The following KMT2C variants were observed in gnomAD, a reference collection of about 807,000 sequenced individuals.
The protein encoded by KMT2C is histone-lysine N-methyltransferase 2C.
In KMT2C, 88 loss-of-function variants were observed where a neutral mutation model predicts 507.9. That is an observed-to-expected ratio of 0.17 (90% confidence interval 0.15 to 0.21). The LOEUF (loss-of-function observed/expected upper bound fraction) is 0.21. Ranked by LOEUF, KMT2C falls within the 10% of genes least tolerant of loss-of-function variation. The probability of loss-of-function intolerance (pLI) is 1.00; values close to 1 mark genes in which losing one functional copy is unlikely to be tolerated. For missense variants in KMT2C, 4,954 were observed against 5,957.8 expected (o/e 0.83, Z 5.55); for synonymous variants, 2,049 against 2,080.8 (o/e 0.98, Z 0.42).
chr7:152,202,511 G>GT (rs1406448991), intron 26 of KMT2C, among the ~76,000 whole-genome samples: 2 of 152,280 alleles, frequency 1.3e-5, no homozygotes, highest in East Asian at 3.9e-4. Context: ...TCTAAAAGTG[G>GT]TAACGATTAT....
At chr7:152,427,393 C>CT (rs2097829353) in intron 1 of KMT2C, among the ~76,000 whole-genome samples, 1 of 152,184 alleles carries the variant, frequency 6.6e-6, no homozygotes, top group Non-Finnish European at 1.5e-5. Flanking sequence ...GGTTTATGTG[C>CT]TTTTCACAAA....
rs199819817 is a variant in KMT2C at position 152,182,205 on chromosome 7, C to G, written c.5655G>C (p.Gly1885=). The change falls in exon 36 of 59, where the codon GGG becomes GGC. Residue 1885 remains glycine (G), a synonymous_variant. Coordinates refer to ENST00000262189, the MANE Select transcript of KMT2C (RefSeq NM_170606.3). The part of the protein sequence containing the change: ...QPPSPQVFSP[G]SSNSRPPSPM... ...GAGATGGTGGTCGTGAGTTAGAGGA[C>G]CCAGGTGAAAACACTTGCGGTGAGG... 5.6e-6 allele frequency: 9 copies of G among 1,613,984 alleles called. No individual in the cohort carries two copies. The East Asian group carries it at 2.0e-4, about 36-fold the overall frequency.
Position 152,136,910 on chromosome 7 carries a change from A to G in KMT2C, c.14658T>C (p.Tyr4886=). 2 of 1,612,904 alleles carry G rather than the reference A, an allele frequency of 1.2e-6. No individual in the cohort carries two copies. The highest frequency in any genetic ancestry group is 1.7e-6 in the Non-Finnish European group (2 of 1,179,894). Residue 4886 remains tyrosine (Y), a synonymous_variant, in exon 59 of 59, where the codon TAT becomes TAC. Coordinates refer to ENST00000262189, the MANE Select transcript of KMT2C (RefSeq NM_170606.3). The stretch of plus-strand genomic sequence containing the variant: ...GCTGGTCATCTTCAAAGTCAAACTT[A>G]TAGTCATAGCAGAGCTGCCCACGGC... ...IQKGEELCYD[Y]KFDFEDDQHK...
At chr7:152,215,894 T>A (rs571912122) in intron 23 of KMT2C, among the ~76,000 whole-genome samples, 1 of 152,150 alleles carries the variant, frequency 6.6e-6, no homozygotes, top group Non-Finnish European at 1.5e-5. Flanking sequence ...TTTAAATCAT[T>A]TGAATGTATA....
intron 34 of KMT2C, among the ~76,000 whole-genome samples, chr7:152,184,250 T>C (rs917972059): frequency 1.3e-5 from 2 of 152,036 alleles, no homozygotes; most frequent in African/African-American, 4.8e-5. Context: ...TATATATATA[T>C]ATGTGATAGA....
At chr7:152,311,409 T>G (rs775384665) in intron 5 of KMT2C, among the ~76,000 whole-genome samples, 2 of 152,184 alleles carry the variant, frequency 1.3e-5, no homozygotes, top group Non-Finnish European at 2.9e-5. Flanking sequence ...ACTGTTATAA[T>G]AAGATAATCT....
chr7:152,333,549 A>G (rs1327404168), intron 2 of KMT2C, among the ~76,000 whole-genome samples: 1 of 152,184 alleles, frequency 6.6e-6, no homozygotes, highest in Admixed American at 6.5e-5. Context: ...TATTTTAACT[A>G]TACACTAGAC....
At chr7:152,274,545 G>A (rs2096044954) in intron 6 of KMT2C, among the ~76,000 whole-genome samples, 2 of 152,186 alleles carry the variant, frequency 1.3e-5, no homozygotes, top group African/African-American at 4.8e-5. Flanking sequence ...GCAGTCTAGG[G>A]CAAGTGAACA....
chr7:152,255,116 T>TATATATATATATAC (rs2095628619), intron 9 of KMT2C, among the ~76,000 whole-genome samples: 2 of 95,700 alleles, frequency 2.1e-5, no homozygotes. Context: ...CACTTATATA[T>TATATATATATATAC]ATATATATAT....
chr7:152,193,935 T>C, intron 31 of KMT2C, 74 bp downstream of exon 31: 6 of 1,307,390 alleles, frequency 4.6e-6, no homozygotes, highest in Non-Finnish European at 4.0e-6. Context: ...CAAAACTTGC[T>C]TGTGTGTGTA....
intron 1 of KMT2C, among the ~76,000 whole-genome samples, chr7:152,400,247 T>A (rs1250999469): frequency 2.6e-5 from 4 of 151,938 alleles, no homozygotes; most frequent in Non-Finnish European, 5.9e-5. Context: ...AGGCAGAGGT[T>A]GCAATGTGCC....
At chr7:152,279,741 A>G (rs1348475116) in intron 6 of KMT2C, among the ~76,000 whole-genome samples, 3 of 152,204 alleles carry the variant, frequency 2.0e-5, no homozygotes, top group African/African-American at 4.8e-5. Flanking sequence ...GGAGACTGCT[A>G]AGAGTGGGAT....
intron 1 of KMT2C, among the ~76,000 whole-genome samples, chr7:152,392,410 T>C (rs958608835): frequency 6.6e-6 from 1 of 152,226 alleles, no homozygotes; most frequent in African/African-American, 2.4e-5. Context: ...TGCTGTTTCA[T>C]AGCCACTTCA....
At chr7:152,326,890 A>G (rs112226182) in intron 3 of KMT2C, among the ~76,000 whole-genome samples, 24 of 151,912 alleles carry the variant, frequency 1.6e-4, no homozygotes, top group African/African-American at 5.8e-4. Flanking sequence ...CAAAAAAAAT[A>G]AAATAAAATA....
Position 152,152,754 on chromosome 7 carries a change from G to C in KMT2C, c.12477C>G (p.Ser4159Arg), listed in dbSNP as rs2129097495. 6.2e-7 allele frequency: 1 copy of C among 1,614,206 alleles called. No individual in the cohort carries two copies. ...PGSANPPRLV[S>R]SYRLKQPNVP... ...CATTAGGCTGCTTCAGCCGGTAAGAGCTCACTAATCTGGGAGGGTTTGCAG... is the reference window on the plus strand; with the variant it reads ...CATTAGGCTGCTTCAGCCGGTAAGACCTCACTAATCTGGGAGGGTTTGCAG... Residue 4159 changes from serine to arginine, a missense_variant, in exon 49 of 59, where the codon AGC (serine) becomes AGG (arginine). By Grantham distance (110) the Ser-to-Arg change is moderately radical. Coordinates refer to ENST00000262189, the MANE Select transcript of KMT2C (RefSeq NM_170606.3).
intron 2 of KMT2C, among the ~76,000 whole-genome samples, chr7:152,340,797 G>A (rs1160907959): frequency 1.3e-5 from 2 of 151,734 alleles, no homozygotes; most frequent in African/African-American, 4.8e-5. Context: ...ATTTTTTAAT[G>A]CAAATTCAAA....
chr7:152,158,647 C>G (rs748672081), intron 44 of KMT2C, among the ~76,000 whole-genome samples: 6 of 152,038 alleles, frequency 3.9e-5, no homozygotes, highest in Non-Finnish European at 8.8e-5. Flanking sequence ...TCCCAAGTAG[C>G]TGGAATTACA....
intron 53 of KMT2C, 151 bp from the exon 54 acceptor site, chr7:152,145,446 G>T: frequency 1.3e-6 from 1 of 751,270 alleles, no homozygotes. Flanking sequence ...TAACACTATT[G>T]GCCTGCAGGT....
At chr7:152,212,088 CAGAA>C (rs368980928) in intron 23 of KMT2C, among the ~76,000 whole-genome samples, 1 of 151,882 alleles carries the variant, frequency 6.6e-6, no homozygotes, top group East Asian at 1.9e-4. Flanking sequence ...GAGACGAGGA[CAGAA>C]AGAAAGACAG....
Sources: allele counts gnomAD v4.1 joint callset (sites outside exome capture counted in the v4.1 genomes callset), GRCh38; gene constraint gnomAD v4.1.1; transcripts MANE v1.5; gene names NCBI Gene and HGNC (gene_info 2026-07-23, HGNC 2026-07-21).